ITIH1: variants seen among roughly 807,000 people sequenced by gnomAD.
ITIH1 encodes inter-alpha-trypsin inhibitor heavy chain 1.
Under a neutral mutation model 104.6 loss-of-function variants are expected in ITIH1, and 94 were observed. That is an observed-to-expected ratio of 0.90 (90% CI 0.76 to 1.07). The LOEUF (loss-of-function observed/expected upper bound fraction) is 1.07. Ranked by LOEUF, ITIH1 falls within the 50% of genes least tolerant of loss-of-function variation. The probability of loss-of-function intolerance (pLI) is 0.00; values close to 1 mark genes in which losing one functional copy is unlikely to be tolerated. For synonymous variants in ITIH1, 455 were observed against 464.4 expected, an observed-to-expected ratio of 0.98 and a Z score of 0.26; for missense variants, 1,193 against 1,181.4, an observed-to-expected ratio of 1.01 and a Z score of -0.14.
At position 52,788,273 on chromosome 3, in the gene ITIH1, G is replaced by T. The variant is rs532070313; in HGVS notation, c.2047G>T (p.Glu683Ter). ...PHFIIHVPQK[E>*]DTLCFNINEE... ...CTTCATCATCCACGTGCCCCAGAAA[G>T]AGGACACCCTGTGCTTCAACATCAA... Residue 683 changes from glutamate (E) to a stop codon, truncating the protein, a stop_gained, in exon 18 of 22, where the codon GAG becomes TAG. Coordinates refer to ENST00000273283, the MANE Select transcript of ITIH1 (RefSeq NM_002215.4). LOFTEE classifies it high-confidence loss of function. 2 of 1,612,338 alleles carry T rather than the reference G, an allele frequency of 1.2e-6. No individual in the cohort carries two copies. The highest frequency in any genetic ancestry group is 2.7e-5 in the African/African-American group (2 of 75,032).
chr3:52,780,320 G>C lies in ITIH1; in HGVS notation c.625G>C (p.Ala209Pro). ...GGGGATCAGCAAGCTGGATGCCCAG[G>C]CCTCTTTCCTGCCGAAGGAACTGGC... ...PQGISKLDAQASFLPKELAAQ... is the reference protein window; with the variant it reads ...PQGISKLDAQPSFLPKELAAQ... The change falls in exon 6 of 22, where the codon GCC becomes CCC. Residue 209 changes from alanine to proline, a missense_variant. Ala to Pro is a conservative substitution (Grantham distance 27). Coordinates refer to ENST00000273283, the MANE Select transcript of ITIH1 (RefSeq NM_002215.4). 1 of 1,614,156 alleles carries C rather than the reference G, an allele frequency of 6.2e-7. No individual in the cohort carries two copies. Among genetic ancestry groups the C allele is most frequent in the Non-Finnish European group, 8.5e-7 (1 of 1,180,002 alleles).
chr3:52,780,596 G>A (rs1039854219), intron 6 of ITIH1, among the ~76,000 whole-genome samples: 1 of 152,240 alleles, frequency 6.6e-6, no homozygotes, highest in South Asian at 2.1e-4. Flanking sequence ...TGCTGAGGTG[G>A]GGAAGGAGCC....
Position 52,781,205 on chromosome 3 carries a change from TTTTTTCTTCTTCTTCTTC to T in ITIH1, c.688-732_688-715del, listed in dbSNP as rs1349378030. Among the ~76,000 whole-genome samples, 33 of 72,346 alleles carry T rather than the reference TTTTTTCTTCTTCTTCTTC, an allele frequency of 4.6e-4. 2 individuals are homozygous for T. Among genetic ancestry groups the T allele is most frequent in the African/African-American group, 1.5e-3 (22 of 14,976 alleles). 47.5% of individuals were successfully genotyped at this position (72,346 alleles called of 152,430 possible). ...CTTCACCTCCTCCTCTTCTTTTTTT[TTTTTTCTTCTTCTTCTTC>T]TTCTTCTTCTTCTTCTTCTTCTTCT... On this transcript the variant is annotated intron_variant, in intron 6 of 21. Transcript: ENST00000273283.
chr3:52,781,462 A>G (rs367879857), intron 6 of ITIH1, among the ~76,000 whole-genome samples: 18 of 152,144 alleles, frequency 1.2e-4, no homozygotes, highest in Middle Eastern at 3.4e-3. Context: ...TATGAAGTCC[A>G]GGAATATAGA....
In ITIH1 at chr3:52,779,583, C is replaced by T; in HGVS notation, c.562C>T (p.His188Tyr). ...CAAAGTCAAGCCCAAGCAGCTGGTG[C>T]ATCATTTTGAGGTAGATCACAGGTC... ...VIKVKPKQLVHHFEIDVDIFE... is the reference protein window; with the variant it reads ...VIKVKPKQLVYHFEIDVDIFE... Residue 188 changes from histidine (H) to tyrosine (Y), a missense_variant, in exon 5 of 22, where the codon CAT (histidine) becomes TAT (tyrosine). His to Tyr is a moderately conservative substitution (Grantham distance 83). Coordinates refer to ENST00000273283, the MANE Select transcript of ITIH1 (RefSeq NM_002215.4). This position sits in a 1 kb window ranked among gnomAD's most constrained non-coding sequence, Gnocchi z 4.4. The T allele has an allele frequency of 6.2e-7, 1 of 1,614,172 alleles. No homozygotes were observed. Among genetic ancestry groups the T allele is most frequent in the Non-Finnish European group, 8.5e-7 (1 of 1,180,044 alleles).
chr3:52,777,950 G>A, intron 1 of ITIH1, 47 bp from the exon 2 acceptor site: 1 of 1,613,240 alleles, frequency 6.2e-7, no homozygotes, highest in Non-Finnish European at 8.5e-7. Context: ...CAGGCCGGTG[G>A]TCCCCTGAGT....
chr3:52,787,542 G>A (rs767706858), intron 15 of ITIH1, 50 bp from the exon 16 acceptor site: 1 of 1,611,182 alleles, frequency 6.2e-7, no homozygotes, highest in Non-Finnish European at 8.5e-7. Context: ...CTTTCGTGTG[G>A]GGCACCGTGG....
rs1166864138 is a variant in ITIH1, at chr3:52,786,980, C to T, written c.1769C>T (p.Ser590Leu). ...GACAGGGAGGAGAGGGCCAACCTGT[C>T]ATCCCAGGCCCTGCAGATGTCGCTG... ...KVDREERANL[S>L]SQALQMSLDY... is the part of the protein sequence containing the mutation. Residue 590 changes from serine to leucine, a missense_variant, in exon 14 of 22, where the codon TCA becomes TTA. Coordinates refer to ENST00000273283, the MANE Select transcript of ITIH1 (RefSeq NM_002215.4). 2 of 1,614,044 alleles carry T rather than the reference C, an allele frequency of 1.2e-6. No individual in the cohort carries two copies. The highest frequency in any genetic ancestry group is 1.7e-6 in the Non-Finnish European group (2 of 1,179,916).
rs377241569 is a variant in ITIH1, at chr3:52,784,490, A to G, written c.1407+13A>G. 32 of 1,612,192 alleles carry G rather than the reference A, an allele frequency of 2.0e-5. No homozygotes were observed. The African/African-American group carries it at 3.3e-4, about 17-fold the overall frequency. ...CCAGCAGCTGCAGGTCTCCCCTCAC[A>G]ACCCCCTGTACCTCCAATGGCATGC... On this transcript the variant is annotated intron_variant, in intron 11 of 21. Transcript: ENST00000273283.
In ITIH1 at chr3:52,784,435, C is replaced by T; in HGVS notation, c.1365C>T (p.Ala455=). ...TGTCCATGGAGAACAACGGACGGGC[C>T]CAGAGAATCTACGAGGACCATGATG... The part of the protein sequence containing the change: ...EVMSMENNGR[A]QRIYEDHDAT... Residue 455 remains alanine (A), a synonymous_variant, in exon 11 of 22, where the codon GCC becomes GCT. Coordinates refer to ENST00000273283, the MANE Select transcript of ITIH1 (RefSeq NM_002215.4). 2 of 1,614,118 alleles carry T rather than the reference C, an allele frequency of 1.2e-6. No homozygotes were observed. The highest frequency in any genetic ancestry group is 1.7e-6 in the Non-Finnish European group (2 of 1,179,998).
Position 52,778,685 on chromosome 3 carries a change from T to A in ITIH1, c.305+179T>A, listed in dbSNP as rs563859776. ...CCTTTAGGTCTGTGCTTGGCTCCCA[T>A]CTTGGAGGCAAACTGGGACCCATCA... On this transcript the variant is annotated intron_variant, in intron 3 of 21. Coordinates refer to ENST00000273283, the MANE Select transcript of ITIH1 (RefSeq NM_002215.4). The A allele has an allele frequency of 2.4e-5, 35 of 1,441,394 alleles. No homozygotes were observed. In the African/African-American group the frequency reaches 3.6e-4, roughly 15 times the overall value. The allele number at this position is 1,441,394 out of a possible 1,614,324, so 89.3% of individuals were successfully genotyped here.
chr3:52,785,909 C>T (rs1395926090), intron 12 of ITIH1, among the ~76,000 whole-genome samples: 1 of 152,194 alleles, frequency 6.6e-6, no homozygotes, highest in Non-Finnish European at 1.5e-5. Flanking sequence ...GGAAGTGGTG[C>T]CCCGGTTAAT....
chr3:52,778,580 G>A (rs941099292), intron 3 of ITIH1, 74 bp downstream of exon 3: 32 of 1,592,262 alleles, frequency 2.0e-5, no homozygotes, highest in Middle Eastern at 1.9e-4. Context: ...AACAAGGATC[G>A]GAGTGGCCAG....
intron 14 of ITIH1, 28 bp from the exon 15 acceptor site, chr3:52,787,160 A>C (rs1699225238): frequency 1.2e-6 from 2 of 1,614,012 alleles, no homozygotes; most frequent in Admixed American, 3.3e-5. Flanking sequence ...CTGGGGCTCT[A>C]ATTATTTTCT....
Position 52,782,060 on chromosome 3 carries a change from C to T in ITIH1, c.808C>T (p.Leu270Phe). 2 of 1,614,158 alleles carry T rather than the reference C, an allele frequency of 1.2e-6. No individual in the cohort carries two copies. Among genetic ancestry groups the T allele is most frequent in the Non-Finnish European group, 1.7e-6 (2 of 1,180,034 alleles). The change falls in exon 7 of 22, where the codon CTC (leucine) becomes TTC (phenylalanine). Residue 270 changes from leucine (L) to phenylalanine (F), a missense_variant. Coordinates refer to ENST00000273283, the MANE Select transcript of ITIH1 (RefSeq NM_002215.4). The stretch of plus-strand genomic sequence containing the variant: ...TGTCAGTCGAGACAAGATCTGCGAC[C>T]TCCTGGTGAGCCCTGAGCTTCTGGC... The part of the protein sequence containing the change: ...YDVSRDKICD[L>F]LVANNHFAHF...
At position 52,779,297 on chromosome 3, in the gene ITIH1, T is replaced by C. The variant is rs1698980231; in HGVS notation, c.411-135T>C. The C allele has an allele frequency of 1.0e-6, 1 of 997,842 alleles. No homozygotes were observed. The highest frequency in any genetic ancestry group is 1.5e-6 in the Non-Finnish European group (1 of 656,216). The allele number at this position is 997,842 out of a possible 1,614,324, so 61.8% of individuals were successfully genotyped here. On this transcript the variant is annotated intron_variant, in intron 4 of 21. Transcript: ENST00000273283. The surrounding 1 kb of genome is among the most constrained non-coding windows in gnomAD (Gnocchi z 4.4). ...GACCCTGACCAGCCAGCTAACACATTTGTGAGGTCCAGGGAAACCTGGGAG... is the reference window on the plus strand; with the variant it reads ...GACCCTGACCAGCCAGCTAACACATCTGTGAGGTCCAGGGAAACCTGGGAG...
At position 52,779,600 on chromosome 3, in the gene ITIH1, T is replaced by C. The variant is rs1698985884; in HGVS notation, c.573+6T>C. 6.2e-7 allele frequency: 1 copy of C among 1,614,008 alleles called. No individual in the cohort carries two copies. The highest frequency in any genetic ancestry group is 1.7e-5 in the Admixed American group (1 of 59,998). On this transcript the variant is annotated splice_donor_region_variant and intron_variant, in intron 5 of 21. Transcript: ENST00000273283. This position sits in a 1 kb window ranked among gnomAD's most constrained non-coding sequence, Gnocchi z 4.4. ...AGCTGGTGCATCATTTTGAGGTAGATCACAGGTCCCGGGGCAGGGGTCCTG... is the reference window on the plus strand; with the variant it reads ...AGCTGGTGCATCATTTTGAGGTAGACCACAGGTCCCGGGGCAGGGGTCCTG...
chr3:52,787,904 A>G, intron 16 of ITIH1, 82 bp from the exon 17 acceptor site: 1 of 1,360,508 alleles, frequency 7.4e-7, no homozygotes, highest in Admixed American at 1.7e-5. Flanking sequence ...CCCACCAGTG[A>G]GGAAAGAGTC....
At chr3:52,785,269 AC>A (rs1699172773) in intron 12 of ITIH1, 40 bp downstream of exon 12, 1 of 1,594,790 alleles carries the variant, frequency 6.3e-7, no homozygotes, top group Non-Finnish European at 8.6e-7. Context: ...GCCAGGCAGC[AC>A]CCTAGAGGCT....
Sources: gnomAD v4.1 joint callset for allele counts (sites outside exome capture counted in the v4.1 genomes callset) on GRCh38, gnomAD v4.1.1 for gene constraint, Gnocchi (gnomAD v3.1) non-coding constraint, MANE v1.5 for transcripts, NCBI Gene and HGNC (gene_info 2026-07-23, HGNC 2026-07-21) for gene names.